Variants in NCALD observed in about 807,000 individuals in gnomAD.
NCALD encodes the protein neurocalcin-delta.
NCALD carries 10 observed loss-of-function variants against 18.6 expected under a neutral mutation model. That is an observed-to-expected ratio of 0.54 (90% CI 0.33 to 0.91). The LOEUF is 0.91. Ranked by LOEUF, NCALD falls within the 40% of genes least tolerant of loss-of-function variation. NCALD has a pLI of 0.03. For missense variants in NCALD, 184 were observed against 247.6 expected (o/e 0.74, Z 1.72); for synonymous variants, 88 against 87.4 (o/e 1.01, Z -0.04).
At chr8:102,045,052 C>T (rs922324004) in intron 1 of NCALD, among the ~76,000 whole-genome samples, 1 of 152,208 alleles carries the variant, frequency 6.6e-6, no homozygotes, top group African/African-American at 2.4e-5. Context: ...TTAGCAACTG[C>T]TCAACATCAC....
intron 1 of NCALD, among the ~76,000 whole-genome samples, chr8:102,091,201 T>C (rs923979365): frequency 3.3e-5 from 5 of 152,236 alleles, no homozygotes; most frequent in Non-Finnish European, 7.3e-5. Flanking sequence ...AGAGCTTATG[T>C]GAAAAATAAT....
intron 1 of NCALD, among the ~76,000 whole-genome samples, chr8:101,735,234 T>G (rs1425887747): frequency 1.3e-5 from 2 of 152,174 alleles, no homozygotes; most frequent in African/African-American, 2.4e-5. Context: ...GCCGATCTAT[T>G]AAACTGACAA....
intron 1 of NCALD, among the ~76,000 whole-genome samples, chr8:101,736,918 T>C (rs1400336559): frequency 6.6e-6 from 1 of 152,164 alleles, no homozygotes; most frequent in African/African-American, 2.4e-5. Flanking sequence ...ATACAGCATA[T>C]TGACTGATTG....
Position 101,971,325 on chromosome 8 carries a change from T to C in NCALD, c.-157+48912A>G, listed in dbSNP as rs949867084. On this transcript the variant is annotated intron_variant, in intron 2 of 6. Transcript: ENST00000311028. ...GTAAAGGTTACATGGTTGATATAGA[T>C]TGGCTCTGTGTCCAAACCCAAATCT... Among the ~76,000 whole-genome samples the C allele has an allele frequency of 3.9e-5, 6 of 152,032 alleles. No individual in the cohort carries two copies. The East Asian group carries it at 1.2e-3, about 29-fold the overall frequency.
chr8:101,977,124 T>G (rs776668723), intron 2 of NCALD, among the ~76,000 whole-genome samples: 1 of 151,980 alleles, frequency 6.6e-6, no homozygotes, highest in East Asian at 1.9e-4. Flanking sequence ...AAAATGGTTA[T>G]TTCTCCTTTC....
chr8:101,975,763 T>G (rs1414340353), intron 2 of NCALD, among the ~76,000 whole-genome samples: 2 of 152,244 alleles, frequency 1.3e-5, no homozygotes, highest in Non-Finnish European at 2.9e-5. Context: ...TTTCACACTT[T>G]CCAGGCTTTC....
chr8:101,996,346 G>C lies in NCALD; in HGVS notation c.-157+23891C>G, dbSNP rs143139781. 3.5e-4 allele frequency among the ~76,000 whole-genome samples: 54 copies of C among 152,338 alleles called. No homozygotes were observed. In the East Asian group the frequency reaches 0.01, roughly 28 times the overall value. On this transcript the variant is annotated intron_variant, in intron 2 of 6. Transcript: ENST00000311028. ...ATGCTGATGAAAAGCCAGTCTTGTT[G>C]CTGGGCACTTCTACACATCAAGTAT...
intron 1 of NCALD, among the ~76,000 whole-genome samples, chr8:101,788,415 AT>A (rs1224403858): frequency 2.0e-5 from 3 of 152,250 alleles, no homozygotes; most frequent in Admixed American, 2.0e-4. Context: ...AATCACAGAT[AT>A]TTTCACCTCA....
chr8:101,927,598 C>T (rs1024150476), intron 2 of NCALD, among the ~76,000 whole-genome samples: 6 of 152,034 alleles, frequency 3.9e-5, no homozygotes, highest in Non-Finnish European at 7.4e-5. Context: ...TGGCACGGTC[C>T]GACATCCGCG....
chr8:101,888,672 G>C (rs567642140), intron 3 of NCALD, among the ~76,000 whole-genome samples: 1 of 151,918 alleles, frequency 6.6e-6, no homozygotes, highest in Non-Finnish European at 1.5e-5. Flanking sequence ...CCACTTCAGT[G>C]TCTCAAAGTG....
At chr8:101,846,205 G>C (rs1162466180) in intron 4 of NCALD, among the ~76,000 whole-genome samples, 1 of 152,162 alleles carries the variant, frequency 6.6e-6, no homozygotes, top group Non-Finnish European at 1.5e-5. Context: ...TGCTAGATCA[G>C]ATGGTATTAT....
chr8:101,884,232 T>C (rs552245622), intron 4 of NCALD, among the ~76,000 whole-genome samples: 1 of 152,354 alleles, frequency 6.6e-6, no homozygotes, highest in East Asian at 1.9e-4. Flanking sequence ...CTAGGTGTGG[T>C]ACCTGCATTT....
intron 1 of NCALD, among the ~76,000 whole-genome samples, chr8:101,785,392 G>T (rs571401073): frequency 6.6e-6 from 1 of 152,248 alleles, no homozygotes; most frequent in East Asian, 1.9e-4. Context: ...ATCCAAGAGG[G>T]ATGCCCTAAT....
At chr8:101,825,338 T>C (rs1813891597) in intron 4 of NCALD, among the ~76,000 whole-genome samples, 1 of 152,260 alleles carries the variant, frequency 6.6e-6, no homozygotes, top group African/African-American at 2.4e-5. Context: ...TCTTCCAGTC[T>C]AGTTCGTCCA....
At chr8:102,051,992 C>A (rs1823473754) in intron 1 of NCALD, among the ~76,000 whole-genome samples, 1 of 152,134 alleles carries the variant, frequency 6.6e-6, no homozygotes, top group East Asian at 1.9e-4. Context: ...CAGCGACTTG[C>A]CCAGAGAATG....
chr8:102,100,695 A>G (rs2132411118), intron 1 of NCALD, among the ~76,000 whole-genome samples: 1 of 152,388 alleles, frequency 6.6e-6, no homozygotes, highest in East Asian at 1.9e-4. Context: ...CGAGGTATAT[A>G]CATACAGTGA....
intron 1 of NCALD, among the ~76,000 whole-genome samples, chr8:101,732,590 CTTTTTTTTTTTTTTTT>C (rs576286368): frequency 3.7e-5 from 2 of 53,678 alleles, no homozygotes; most frequent in Non-Finnish European, 6.7e-5. Context: ...TTTTTCTTTG[CTTTTTTTTTTTTTTTT>C]TTTTTTTTTT....
chr8:102,085,577 A>G (rs925330385), intron 1 of NCALD, among the ~76,000 whole-genome samples: 7 of 137,638 alleles, frequency 5.1e-5, no homozygotes, highest in African/African-American at 2.0e-4. Flanking sequence ...CACCATGGTG[A>G]AACCCAGTCT....
chr8:102,021,412 C>T (rs1165512155), intron 1 of NCALD, among the ~76,000 whole-genome samples: 1 of 152,106 alleles, frequency 6.6e-6, no homozygotes, highest in African/African-American at 2.4e-5. Flanking sequence ...TAGTGTGATA[C>T]AATGCTAAGA....
Sources: gnomAD v4.1 joint callset for allele counts (sites outside exome capture counted in the v4.1 genomes callset) on GRCh38, gnomAD v4.1.1 for gene constraint, MANE v1.5 for transcripts, NCBI Gene and HGNC (gene_info 2026-07-23, HGNC 2026-07-21) for gene names.